EZH2: variants seen among roughly 807,000 people sequenced by gnomAD.
The protein encoded by EZH2 is histone-lysine N-methyltransferase EZH2.
EZH2 carries 18 observed loss-of-function variants against 98.4 expected under a neutral mutation model. The ratio of observed to expected loss-of-function variants is 0.18; its 90% CI spans 0.13 to 0.27. The LOEUF (loss-of-function observed/expected upper bound fraction) is 0.27, where lower values mean the gene tolerates loss of function less well. EZH2 is among the 10% of genes least tolerant of loss of function. EZH2 has a pLI of 1.00. For missense variants in EZH2, 470 were observed against 935.1 expected (o/e 0.50, Z 6.49); for synonymous variants, 338 against 312.3 (o/e 1.08, Z -0.87).
intron 1 of EZH2, among the ~76,000 whole-genome samples, chr7:148,882,135 A>T (rs1821099129): frequency 6.6e-6 from 1 of 152,080 alleles, no homozygotes; most frequent in Admixed American, 6.6e-5. Context: ...TTTTTGTTAT[A>T]ATGTCTCAAC....
intron 3 of EZH2, among the ~76,000 whole-genome samples, chr7:148,842,552 A>G (rs1489448213): frequency 3.3e-5 from 5 of 152,232 alleles, no homozygotes; most frequent in African/African-American, 4.8e-5. Context: ...CCCTTGACCT[A>G]TATGTATTGA....
At chr7:148,862,646 C>T (rs548199518) in intron 1 of EZH2, among the ~76,000 whole-genome samples, 36 of 152,292 alleles carry the variant, frequency 2.4e-4, no homozygotes, top group Non-Finnish European at 4.1e-4. Context: ...AACTTAATCA[C>T]GTAAGTGCTT....
chr7:148,873,522 G>A (rs1452300377), intron 1 of EZH2, among the ~76,000 whole-genome samples: 12 of 124,028 alleles, frequency 9.7e-5, no homozygotes, highest in Non-Finnish European at 1.7e-4. Flanking sequence ...AAAGATCATT[G>A]TAAGATCAGT....
Position 148,810,896 on chromosome 7 carries a change from C to CAAAAAAA in EZH2, c.1948-489_1948-483dup, listed in dbSNP as rs924758768. Among the ~76,000 whole-genome samples, 122 of 43,658 alleles carry CAAAAAAA rather than the reference C, an allele frequency of 2.8e-3. 5 individuals carry two copies. Among genetic ancestry groups the CAAAAAAA allele is most frequent in the African/African-American group, 9.5e-3 (111 of 11,642 alleles). 28.6% of individuals were successfully genotyped at this position (43,658 alleles called of 152,430 possible). On this transcript the variant is annotated intron_variant, in intron 16 of 19. Coordinates refer to ENST00000320356, the MANE Select transcript of EZH2 (RefSeq NM_004456.5). ...GGGCAACAAGAGCGAAACTCTGTCT[C>CAAAAAAA]AAAAAAAAAAAAAAAAAAAAAAAAA...
chr7:148,840,931 G>A (rs919443546), intron 3 of EZH2, among the ~76,000 whole-genome samples: 2 of 151,892 alleles, frequency 1.3e-5, no homozygotes, highest in Non-Finnish European at 2.9e-5. Context: ...GTCAGAACTC[G>A]GTTTTGCATT....
intron 3 of EZH2, among the ~76,000 whole-genome samples, chr7:148,844,924 A>G (rs1432514005): frequency 1.3e-5 from 2 of 152,152 alleles, no homozygotes; most frequent in African/African-American, 4.8e-5. Context: ...CAAACTGACT[A>G]AATGCTTCTA....
intron 16 of EZH2, 105 bp from the exon 17 acceptor site, chr7:148,810,519 G>T (rs537002489): frequency 1.0e-5 from 7 of 674,954 alleles, no homozygotes; most frequent in Non-Finnish European, 1.8e-5. Context: ...TGGAGAAAAC[G>T]CAACAAAAAG....
chr7:148,852,163 T>C (rs1439404425), intron 1 of EZH2, among the ~76,000 whole-genome samples: 2 of 152,196 alleles, frequency 1.3e-5, no homozygotes, highest in Non-Finnish European at 1.5e-5. Context: ...CAAACCAGAA[T>C]ATGGCAGGAG....
intron 15 of EZH2, among the ~76,000 whole-genome samples, chr7:148,812,799 G>A (rs567947898): frequency 6.6e-6 from 1 of 152,166 alleles, no homozygotes; most frequent in African/African-American, 2.4e-5. Flanking sequence ...ACATATAACT[G>A]CCTAGAGTAA....
At chr7:148,833,701 C>T (rs115811381) in intron 3 of EZH2, among the ~76,000 whole-genome samples, 1,845 of 152,234 alleles carry the variant, frequency 0.012, 35 homozygotes, top group African/African-American at 0.042. Context: ...ATGTGCTAGG[C>T]TATTTTAAAC....
At position 148,884,211 on chromosome 7, in the gene EZH2, GCGCCGC is replaced by G. The variant is rs886062083; in HGVS notation, c.-61_-56del. ...CGTTGTTCCCGCGCGTCGCCCCCGCGCGCCGCCGCCGCCGCCGCCGGGGCTCCACTG... is the reference window on the plus strand; with the variant it reads ...CGTTGTTCCCGCGCGTCGCCCCCGCGCGCCGCCGCCGCCGGGGCTCCACTG... On this transcript the variant is annotated 5_prime_UTR_variant, in exon 1 of 20. Transcript: ENST00000320356. 3 of 170,726 alleles carry G rather than the reference GCGCCGC, an allele frequency of 1.8e-5. No individual in the cohort carries two copies. The highest frequency in any genetic ancestry group is 1.1e-4 in the East Asian group (1 of 9,130). 10.6% of individuals were successfully genotyped at this position (170,726 alleles called of 1,614,324 possible). A position where few individuals can be genotyped will look rare whatever the true frequency, so the allele number is the denominator to read the frequency against.
chr7:148,836,624 C>T, intron 3 of EZH2, among the ~76,000 whole-genome samples: 1 of 152,054 alleles, frequency 6.6e-6, no homozygotes, highest in Middle Eastern at 3.2e-3. Flanking sequence ...TACTAGGAGA[C>T]CTTTATCAAC....
intron 1 of EZH2, among the ~76,000 whole-genome samples, chr7:148,878,322 G>A (rs73158292): frequency 0.046 from 6,937 of 152,080 alleles, 249 homozygotes; most frequent in Admixed American, 0.1. Flanking sequence ...TCTCCATAGA[G>A]TTGCCTCTTC....
At position 148,827,283 on chromosome 7, in the gene EZH2, G is replaced by GAA. The variant is rs1563239019; in HGVS notation, c.626-19_626-18dup. The GAA allele has an allele frequency of 1.3e-6, 2 of 1,577,090 alleles. No homozygotes were observed. On this transcript the variant is annotated splice_polypyrimidine_tract_variant and intron_variant, in intron 6 of 19. Transcript: ENST00000320356. Reference sequence around the variant, plus strand: ...TTTCTTTATCTAAACAGGAGAATATGAAAGGAAAAAAAGAATGGAAGTAAA... The same window carrying GAA: ...TTTCTTTATCTAAACAGGAGAATATGAAAAAGGAAAAAAAGAATGGAAGTAAA...
At chr7:148,829,270 C>T (rs1808621615) in intron 5 of EZH2, among the ~76,000 whole-genome samples, 1 of 152,096 alleles carries the variant, frequency 6.6e-6, no homozygotes, top group African/African-American at 2.4e-5. Flanking sequence ...GACACTTTAA[C>T]AGGGCCTCCT....
intron 1 of EZH2, among the ~76,000 whole-genome samples, chr7:148,881,482 G>A (rs950264933): frequency 1.7e-4 from 26 of 152,116 alleles, no homozygotes; most frequent in Non-Finnish European, 7.4e-5. Context: ...TTAAGTCACT[G>A]CTACTTAAAC....
chr7:148,869,497 C>A (rs562689878), intron 1 of EZH2, among the ~76,000 whole-genome samples: 1 of 152,086 alleles, frequency 6.6e-6, no homozygotes, highest in Non-Finnish European at 1.5e-5. Flanking sequence ...AGGCAAATGC[C>A]ACCACATGTG....
intron 1 of EZH2, among the ~76,000 whole-genome samples, chr7:148,861,026 G>T (rs2129488217): frequency 6.6e-6 from 1 of 151,984 alleles, no homozygotes; most frequent in South Asian, 2.1e-4. Flanking sequence ...ATCCATGGGG[G>T]TCTAGGGGGT....
intron 1 of EZH2, among the ~76,000 whole-genome samples, chr7:148,882,500 G>C (rs971696609): frequency 6.6e-6 from 1 of 152,092 alleles, no homozygotes; most frequent in African/African-American, 2.4e-5. Context: ...ACCATGAATA[G>C]AAAATTAAAA....
Sources: allele counts gnomAD v4.1 joint callset (sites outside exome capture counted in the v4.1 genomes callset), GRCh38; gene constraint gnomAD v4.1.1; transcripts MANE v1.5; gene names NCBI Gene and HGNC (gene_info 2026-07-23, HGNC 2026-07-21).